FRMPD4: variants seen among roughly 807,000 people sequenced by gnomAD.
The protein encoded by FRMPD4 is FERM and PDZ domain containing 4.
Under a neutral mutation model 94.1 loss-of-function variants are expected in FRMPD4, and 22 were observed. That is an observed-to-expected ratio of 0.23 (90% confidence interval 0.17 to 0.33). FRMPD4 has a LOEUF of 0.33. Ranked by LOEUF, FRMPD4 falls within the 10% of genes least tolerant of loss-of-function variation. The pLI is 1.00. For synonymous variants in FRMPD4, 631 were observed against 548.6 expected (o/e 1.15, Z -2.10); for missense variants, 1,111 against 1,339.9 (o/e 0.83, Z 2.67).
chrX:12,413,048 T>A (rs1001367856), intron 1 of FRMPD4, among the ~76,000 whole-genome samples: 2 of 111,182 alleles, frequency 1.8e-5, no homozygotes, highest in Non-Finnish European at 1.9e-5. Context: ...TGTGCAGCCC[T>A]GGCCACATTT....
chrX:12,218,883 T>C (rs1228363198), intron 1 of FRMPD4, among the ~76,000 whole-genome samples: 1 of 112,463 alleles, frequency 8.9e-6, no homozygotes, highest in African/African-American at 3.2e-5. Flanking sequence ...CTGCCTTACA[T>C]ATAACATTTG....
intron 1 of FRMPD4, among the ~76,000 whole-genome samples, chrX:12,408,643 C>G (rs1451171827): frequency 9.0e-6 from 1 of 111,338 alleles, no homozygotes; most frequent in Non-Finnish European, 1.9e-5. Context: ...AGCACCCAGC[C>G]CATACTGAAG....
chrX:12,420,697 A>C (rs1252978243), intron 1 of FRMPD4, among the ~76,000 whole-genome samples: 1 of 112,212 alleles, frequency 8.9e-6, no homozygotes, highest in Non-Finnish European at 1.9e-5. Flanking sequence ...ATTCAAGTTT[A>C]GATTTCTGAC....
chrX:12,513,393 A>T (rs1426850426), intron 2 of FRMPD4, among the ~76,000 whole-genome samples: 1 of 111,778 alleles, frequency 8.9e-6, no homozygotes, highest in African/African-American at 3.3e-5. Flanking sequence ...CAATTTTTGT[A>T]TAAGATCTAA....
At chrX:12,528,313 G>GTT (rs1309302104) in intron 2 of FRMPD4, among the ~76,000 whole-genome samples, 3 of 86,564 alleles carry the variant, frequency 3.5e-5, no homozygotes, top group African/African-American at 1.4e-4. Context: ...GTTTTTTTTT[G>GTT]TTTTTGTTTT....
chrX:11,853,015 C>T (rs985638027), intron 1 of FRMPD4, among the ~76,000 whole-genome samples: 7 of 112,087 alleles, frequency 6.2e-5, no homozygotes, highest in Admixed American at 2.8e-4. Flanking sequence ...TAAAACACTC[C>T]TTAGCAAATG....
chrX:12,474,608 A>C (rs954862227), intron 1 of FRMPD4, among the ~76,000 whole-genome samples: 1 of 112,067 alleles, frequency 8.9e-6, no homozygotes, highest in Non-Finnish European at 1.9e-5. Flanking sequence ...AATAGACGCA[A>C]TAAATAATGA....
At chrX:12,648,466 G>C (rs999269479) in intron 4 of FRMPD4, among the ~76,000 whole-genome samples, 1 of 111,470 alleles carries the variant, frequency 9.0e-6, no homozygotes, top group Non-Finnish European at 1.9e-5. Flanking sequence ...GCATGTTGGA[G>C]TCACTCTCTT....
intron 2 of FRMPD4, among the ~76,000 whole-genome samples, chrX:12,562,488 A>G (rs761061481): frequency 8.9e-6 from 1 of 112,757 alleles, no homozygotes; most frequent in Non-Finnish European, 1.9e-5. Flanking sequence ...CTTCCTTTTC[A>G]TGATCTCTGA....
At chrX:12,344,447 C>T (rs1039220753) in intron 1 of FRMPD4, among the ~76,000 whole-genome samples, 1 of 111,362 alleles carries the variant, frequency 9.0e-6, no homozygotes, top group Non-Finnish European at 1.9e-5. Context: ...TTTTTAAAAT[C>T]TTTTGATATT....
At chrX:12,095,606 C>CCT (rs1466668164) in intron 3 of FRMPD4, among the ~76,000 whole-genome samples, 1 of 110,636 alleles carries the variant, frequency 9.0e-6, no homozygotes, top group Non-Finnish European at 1.9e-5. Context: ...AGTTTGCTGA[C>CCT]CTCTGCTCTA....
At chrX:12,305,574 TTCAGA>T (rs1407602777) in intron 1 of FRMPD4, among the ~76,000 whole-genome samples, 5 of 108,046 alleles carry the variant, frequency 4.6e-5, no homozygotes, top group African/African-American at 1.7e-4. Flanking sequence ...TTTTTTTTTT[TTCAGA>T]CAGAGTCTCA....
intron 3 of FRMPD4, among the ~76,000 whole-genome samples, chrX:12,133,311 A>G (rs763009748): frequency 1.8e-4 from 20 of 110,092 alleles, no homozygotes; most frequent in Admixed American, 1.1e-3. Flanking sequence ...GCCACAAGCA[A>G]TTTTCCTACT....
chrX:12,194,249 G>C (rs763513826), intron 1 of FRMPD4, among the ~76,000 whole-genome samples: 6 of 111,151 alleles, frequency 5.4e-5, no homozygotes, highest in Admixed American at 9.5e-5. Context: ...ATACCCTTAT[G>C]CTAATTAATA....
At chrX:12,408,981 A>G (rs2056699677) in intron 1 of FRMPD4, among the ~76,000 whole-genome samples, 1 of 111,259 alleles carries the variant, frequency 9.0e-6, no homozygotes, top group Non-Finnish European at 1.9e-5. Flanking sequence ...TCACCTTCAC[A>G]TGACTAACAG....
At chrX:12,246,607 C>T (rs1277097865) in intron 1 of FRMPD4, among the ~76,000 whole-genome samples, 1 of 111,001 alleles carries the variant, frequency 9.0e-6, no homozygotes, top group Non-Finnish European at 1.9e-5. Flanking sequence ...TGTTGAACCA[C>T]TTAGAGTCAT....
At chrX:12,483,968 G>A (rs2057714673) in intron 1 of FRMPD4, among the ~76,000 whole-genome samples, 3 of 111,404 alleles carry the variant, frequency 2.7e-5, no homozygotes, top group Admixed American at 9.6e-5. Flanking sequence ...CTAGTAGGAC[G>A]TGTACGGGCT....
intron 1 of FRMPD4, among the ~76,000 whole-genome samples, chrX:12,480,333 G>GGA (rs777254299): frequency 1.8e-5 from 1 of 54,670 alleles, no homozygotes; most frequent in Non-Finnish European, 3.1e-5. Context: ...GAAAAGAAAT[G>GGA]AAAAAAAAAA....
chrX:11,842,034 G>A (rs1168777328), intron 1 of FRMPD4, among the ~76,000 whole-genome samples: 2 of 110,116 alleles, frequency 1.8e-5, no homozygotes, highest in African/African-American at 6.7e-5. Context: ...TTTTTCTCAG[G>A]TTTGTCAAAG....
Sources: allele counts gnomAD v4.1 joint callset (sites outside exome capture counted in the v4.1 genomes callset), GRCh38; gene constraint gnomAD v4.1.1; transcripts MANE v1.5; gene names NCBI Gene and HGNC (gene_info 2026-07-23, HGNC 2026-07-21).